BRIP1: variants seen among roughly 807,000 people sequenced by gnomAD.
The protein encoded by BRIP1 is BRCA1 interacting DNA helicase 1.
In BRIP1, 88 loss-of-function variants were observed where a neutral mutation model predicts 119.7. The ratio of observed to expected loss-of-function variants is 0.74; its 90% CI spans 0.62 to 0.88. The LOEUF is 0.88. BRIP1 is among the 40% of genes least tolerant of loss of function. The pLI, the probability that BRIP1 is intolerant of heterozygous loss-of-function variation, is 0.00. For synonymous variants in BRIP1, 443 were observed against 496.5 expected (o/e 0.89, Z 1.43); for missense variants, 1,259 against 1,455.4 (o/e 0.87, Z 2.20).
Position 61,776,346 on chromosome 17 carries a change from G to A in BRIP1, c.2097+55C>T. ...GTAATTTTAAAATTAGCATGCCAAT[G>A]TTTAAAATGTAAATGATTATTTAAA... is the stretch of plus-strand genomic sequence containing the variant. On this transcript the variant is annotated intron_variant, in intron 14 of 19. Coordinates refer to ENST00000259008, the MANE Select transcript of BRIP1 (RefSeq NM_032043.3). This position sits in a 1 kb window ranked among gnomAD's most constrained non-coding sequence, Gnocchi z 5.0. 1.9e-6 allele frequency: 3 copies of A among 1,594,228 alleles called. No homozygotes were observed. Among genetic ancestry groups the A allele is most frequent in the East Asian group, 2.2e-5 (1 of 44,756 alleles).
At chr17:61,697,468 AG>A (rs1443760868) in intron 17 of BRIP1, among the ~76,000 whole-genome samples, 2 of 150,048 alleles carry the variant, frequency 1.3e-5, no homozygotes, top group East Asian at 4.0e-4. Context: ...CAATTTTTGA[AG>A]GTATTCTCTT....
chr17:61,777,612 C>A (rs2077554425), intron 13 of BRIP1, among the ~76,000 whole-genome samples: 1 of 152,128 alleles, frequency 6.6e-6, no homozygotes, highest in Non-Finnish European at 1.5e-5. Flanking sequence ...CCCAGGGACA[C>A]ATTTACCTAC....
At chr17:61,692,534 A>G (rs1343438470) in intron 18 of BRIP1, among the ~76,000 whole-genome samples, 1 of 152,208 alleles carries the variant, frequency 6.6e-6, no homozygotes, top group African/African-American at 2.4e-5. Context: ...AAATAACCCA[A>G]TTAAAAAATG....
chr17:61,786,949 T>A (rs1188731615), intron 10 of BRIP1, among the ~76,000 whole-genome samples: 1 of 106,150 alleles, frequency 9.4e-6, no homozygotes, highest in Non-Finnish European at 1.7e-5. Context: ...TATTTATATA[T>A]AATATATTTA....
chr17:61,780,399 G>C lies in BRIP1; in HGVS notation c.1797C>G (p.Ala599=), dbSNP rs771672834. ...LNFWCLNPAV[A]FSDINGKVQT... is the part of the protein sequence containing the mutation. ...GAACTTTGCCATTAATATCTGAAAA[G>C]GCCTAAAAGAAAACAACATTAGATA... Residue 599 remains alanine, a splice_region_variant and synonymous_variant, in exon 13 of 20, where the codon GCC becomes GCG. Coordinates refer to ENST00000259008, the MANE Select transcript of BRIP1 (RefSeq NM_032043.3). The surrounding 1 kb of genome is among the most constrained non-coding windows in gnomAD (Gnocchi z 5.4). 13 of 1,608,472 alleles carry C rather than the reference G, an allele frequency of 8.1e-6. No individual in the cohort carries two copies. The highest frequency in any genetic ancestry group is 1.1e-5 in the Non-Finnish European group (13 of 1,175,180).
At position 61,793,588 on chromosome 17, in the gene BRIP1, A is replaced by T; in HGVS notation, c.1473+9T>A. 1.3e-6 allele frequency: 2 copies of T among 1,599,972 alleles called. No homozygotes were observed. Among genetic ancestry groups the T allele is most frequent in the South Asian group, 2.2e-5 (2 of 89,324 alleles). On this transcript the variant is annotated intron_variant, in intron 10 of 19. Transcript: ENST00000259008. This position sits in a 1 kb window ranked among gnomAD's most constrained non-coding sequence, Gnocchi z 5.2. ...TAAATACGTTTCACAGGTAGAAAAA[A>T]TATCTTACCTGCAAAATGGGAAAAG...
intron 6 of BRIP1, among the ~76,000 whole-genome samples, chr17:61,840,736 C>T (rs2078646718): frequency 6.6e-6 from 1 of 152,128 alleles, no homozygotes; most frequent in Non-Finnish European, 1.5e-5. Context: ...AAAGAACAAT[C>T]CTAAGATTCA....
At chr17:61,716,128 TAA>T in intron 16 of BRIP1, 65 bp from the exon 17 acceptor site, 1 of 987,982 alleles carries the variant, frequency 1.0e-6, no homozygotes, top group South Asian at 1.7e-5. Flanking sequence ...AACATCATAT[TAA>T]CTTCTAACAG....
In BRIP1 at chr17:61,846,087, C is replaced by T. The variant is rs1490952289; in HGVS notation, c.627+1014G>A. ...GTCCCAACTACTCGGGAGGTTGAGG[C>T]AGGAGAATGGCATGAACCCAGGAGG... On this transcript the variant is annotated intron_variant, in intron 6 of 19. Coordinates refer to ENST00000259008, the MANE Select transcript of BRIP1 (RefSeq NM_032043.3). The surrounding 1 kb of genome is among the most constrained non-coding windows in gnomAD (Gnocchi z 4.3). Among the ~76,000 whole-genome samples the T allele has an allele frequency of 6.6e-6, 1 of 151,964 alleles. No homozygotes were observed. Among genetic ancestry groups the T allele is most frequent in the African/African-American group, 2.4e-5 (1 of 41,388 alleles).
In BRIP1 at chr17:61,768,890, T is replaced by G. The variant is rs2077408187; in HGVS notation, c.2097+7511A>C. ...CCTGACTTAATCAGGTAAAAGTCCTTAAAAGATACAATGCACCCCTACAGA... is the reference window on the plus strand; with the variant it reads ...CCTGACTTAATCAGGTAAAAGTCCTGAAAAGATACAATGCACCCCTACAGA... On this transcript the variant is annotated intron_variant, in intron 14 of 19. Coordinates refer to ENST00000259008, the MANE Select transcript of BRIP1 (RefSeq NM_032043.3). The surrounding 1 kb of genome is among the most constrained non-coding windows in gnomAD (Gnocchi z 5.0). 6.6e-6 allele frequency among the ~76,000 whole-genome samples: 1 copy of G among 152,046 alleles called. No individual in the cohort carries two copies. Among genetic ancestry groups the G allele is most frequent in the Non-Finnish European group, 1.5e-5 (1 of 68,030 alleles).
At position 61,804,067 on chromosome 17, in the gene BRIP1, A is replaced by C. The variant is rs975775021; in HGVS notation, c.919-2593T>G. Among the ~76,000 whole-genome samples the C allele has an allele frequency of 5.3e-5, 8 of 152,170 alleles. No homozygotes were observed. The highest frequency in any genetic ancestry group is 1.2e-4 in the Non-Finnish European group (8 of 68,018). ...TTGCTTTTTTAAAGAATATGTGCAC[A>C]TACATTATAGCAAATACATTTTTTA... is the stretch of plus-strand genomic sequence containing the variant. On this transcript the variant is annotated intron_variant, in intron 7 of 19. Coordinates refer to ENST00000259008, the MANE Select transcript of BRIP1 (RefSeq NM_032043.3). The surrounding 1 kb of genome is among the most constrained non-coding windows in gnomAD (Gnocchi z 4.5).
rs532469552 is a variant in BRIP1, at chr17:61,840,517, C to T, written c.627+6584G>A. ...CAAGGCCAGGTGCAGTAGCTCACACCTATAATCCTGGCATTTTGGGAGGCC... is the reference window on the plus strand; with the variant it reads ...CAAGGCCAGGTGCAGTAGCTCACACTTATAATCCTGGCATTTTGGGAGGCC... On this transcript the variant is annotated intron_variant, in intron 6 of 19. Transcript: ENST00000259008. Among the ~76,000 whole-genome samples, 7 of 152,218 alleles carry T rather than the reference C, an allele frequency of 4.6e-5. No homozygotes were observed. In the East Asian group the frequency reaches 9.6e-4, roughly 21 times the overall value.
At position 61,780,323 on chromosome 17, in the gene BRIP1, A is replaced by G. The variant is rs935011040; in HGVS notation, c.1873T>C (p.Ser625Pro). 18 of 1,611,432 alleles carry G rather than the reference A, an allele frequency of 1.1e-5. No individual in the cohort carries two copies. The highest frequency in any genetic ancestry group is 1.5e-5 in the Non-Finnish European group (18 of 1,177,708). Residue 625 changes from serine (S) to proline (P), a missense_variant, in exon 13 of 20, where the codon TCA becomes CCA. Coordinates refer to ENST00000259008, the MANE Select transcript of BRIP1 (RefSeq NM_032043.3). The surrounding 1 kb of genome is among the most constrained non-coding windows in gnomAD (Gnocchi z 5.4). Reference sequence around the variant, plus strand: ...ATAGTAAATGTAACACCAAGTTCTGACGAAAAGGATTTCATTGGTGATAAT... The same window carrying G: ...ATAGTAAATGTAACACCAAGTTCTGGCGAAAAGGATTTCATTGGTGATAAT... ...GTLSPMKSFS[S>P]ELGVTFTIQL...
rs1345812935 is a variant in BRIP1, at chr17:61,845,723, GGC to G, written c.627+1376_627+1377del. On this transcript the variant is annotated intron_variant, in intron 6 of 19. Coordinates refer to ENST00000259008, the MANE Select transcript of BRIP1 (RefSeq NM_032043.3). The surrounding 1 kb of genome is among the most constrained non-coding windows in gnomAD (Gnocchi z 4.2). ...AGCTCACAATCCAAACTATCCTACA[GGC>G]GCTTCTCCCCAGGACATCCATCCTG... 7.9e-5 allele frequency among the ~76,000 whole-genome samples: 12 copies of G among 152,108 alleles called. No individual in the cohort carries two copies. Among genetic ancestry groups the G allele is most frequent in the African/African-American group, 2.9e-4 (12 of 41,426 alleles).
intron 6 of BRIP1, among the ~76,000 whole-genome samples, chr17:61,821,951 CA>C (rs986407844): frequency 6.6e-6 from 1 of 151,926 alleles, no homozygotes; most frequent in African/African-American, 2.4e-5. Flanking sequence ...AAATAAGCAA[CA>C]AAATAAATAA....
Position 61,684,494 on chromosome 17 carries a change from G to A in BRIP1, c.2906-354C>T, listed in dbSNP as rs1265635623. ...TTGCCTTGAAAATCCACTAACCAGT[G>A]ACTGAGAAAAACTTACCTAGACTAA... On this transcript the variant is annotated intron_variant, in intron 19 of 19. Transcript: ENST00000259008. The surrounding 1 kb of genome is among the most constrained non-coding windows in gnomAD (Gnocchi z 4.5). 1.3e-5 allele frequency among the ~76,000 whole-genome samples: 2 copies of A among 152,110 alleles called. No homozygotes were observed. Among genetic ancestry groups the A allele is most frequent in the African/African-American group, 4.8e-5 (2 of 41,430 alleles).
In BRIP1 at chr17:61,703,462, T is replaced by C. The variant is rs537437620; in HGVS notation, c.2493-9950A>G. On this transcript the variant is annotated intron_variant, in intron 17 of 19. Coordinates refer to ENST00000259008, the MANE Select transcript of BRIP1 (RefSeq NM_032043.3). The surrounding 1 kb of genome is among the most constrained non-coding windows in gnomAD (Gnocchi z 5.0). ...ATGTCTCCTTTTGAGAAATGTCTGT[T>C]CATGTCCTTTGGCCACTTTTTAATG... Among the ~76,000 whole-genome samples, 4 of 152,356 alleles carry C rather than the reference T, an allele frequency of 2.6e-5. No homozygotes were observed. The highest frequency in any genetic ancestry group is 5.9e-5 in the Non-Finnish European group (4 of 68,032).
intron 3 of BRIP1, among the ~76,000 whole-genome samples, chr17:61,858,952 T>C (rs1462637823): frequency 6.6e-6 from 1 of 151,624 alleles, no homozygotes; most frequent in African/African-American, 2.4e-5. Flanking sequence ...TCCCAACTAT[T>C]TAAGAGGCTG....
rs1259855015 is a variant in BRIP1, at chr17:61,814,811, G to A, written c.628-6054C>T. On this transcript the variant is annotated intron_variant, in intron 6 of 19. Coordinates refer to ENST00000259008, the MANE Select transcript of BRIP1 (RefSeq NM_032043.3). The surrounding 1 kb of genome is among the most constrained non-coding windows in gnomAD (Gnocchi z 4.9). ...TAATAGTGAGAAAAACAAGCTACAT[G>A]TATCAACAGAAGGAATGGATGAGTA... 6.6e-6 allele frequency among the ~76,000 whole-genome samples: 1 copy of A among 152,018 alleles called. No homozygotes were observed. The highest frequency in any genetic ancestry group is 1.5e-5 in the Non-Finnish European group (1 of 67,926).
Sources: gnomAD v4.1 joint callset for allele counts (sites outside exome capture counted in the v4.1 genomes callset) on GRCh38, gnomAD v4.1.1 for gene constraint, Gnocchi (gnomAD v3.1) non-coding constraint, MANE v1.5 for transcripts, NCBI Gene and HGNC (gene_info 2026-07-23, HGNC 2026-07-21) for gene names.